Variants in ZCCHC7 observed in about 807,000 individuals in gnomAD.
The protein encoded by ZCCHC7 is zinc finger CCHC domain-containing protein 7.
Under a neutral mutation model 52.0 loss-of-function variants are expected in ZCCHC7, and 35 were observed. The ratio of observed to expected loss-of-function variants is 0.67; its 90% CI spans 0.51 to 0.89. The LOEUF is 0.89. ZCCHC7 is among the 40% of genes least tolerant of loss of function. ZCCHC7 has a pLI of 0.00. For missense variants in ZCCHC7, 574 were observed against 649.1 expected (o/e 0.88, Z 1.26); for synonymous variants, 217 against 221.5 (o/e 0.98, Z 0.18).
intron 2 of ZCCHC7, among the ~76,000 whole-genome samples, chr9:37,130,539 C>T (rs1355233692): frequency 1.3e-5 from 2 of 149,018 alleles, no homozygotes; most frequent in Non-Finnish European, 3.0e-5. Flanking sequence ...GTCGCCCAGG[C>T]TGGAGTGCAA....
intron 6 of ZCCHC7, among the ~76,000 whole-genome samples, chr9:37,329,062 A>G (rs1034108790): frequency 2.0e-5 from 3 of 151,896 alleles, no homozygotes; most frequent in African/African-American, 7.2e-5. Flanking sequence ...ATATAGTGAA[A>G]TCATTACAGC....
intron 2 of ZCCHC7, among the ~76,000 whole-genome samples, chr9:37,220,767 G>A (rs1000323362): frequency 2.6e-5 from 4 of 152,128 alleles, no homozygotes; most frequent in Non-Finnish European, 5.9e-5. Flanking sequence ...ATAATGAAGT[G>A]AGCAAAGGTA....
At chr9:37,243,045 CT>C (rs1825940427) in intron 2 of ZCCHC7, among the ~76,000 whole-genome samples, 1 of 151,634 alleles carries the variant, frequency 6.6e-6, no homozygotes, top group East Asian at 1.9e-4. Flanking sequence ...AAGCATATTT[CT>C]TTCATTTTAG....
At chr9:37,155,842 G>T (rs1820786374) in intron 2 of ZCCHC7, among the ~76,000 whole-genome samples, 1 of 152,192 alleles carries the variant, frequency 6.6e-6, no homozygotes. Context: ...GGCCCTCTCT[G>T]TTGTGCATTG....
chr9:37,169,353 G>A (rs1279442642), intron 2 of ZCCHC7, among the ~76,000 whole-genome samples: 2 of 152,196 alleles, frequency 1.3e-5, no homozygotes, highest in African/African-American at 4.8e-5. Context: ...CCACAAATAT[G>A]TTGTTAATAG....
intron 2 of ZCCHC7, among the ~76,000 whole-genome samples, chr9:37,286,454 T>C (rs931448310): frequency 4.6e-5 from 7 of 152,162 alleles, no homozygotes; most frequent in South Asian, 4.2e-4. Flanking sequence ...AATCAGGAGC[T>C]TGAGACCAGC....
chr9:37,158,389 CTTGATGAG>C (rs1265362584), intron 2 of ZCCHC7, among the ~76,000 whole-genome samples: 4 of 152,072 alleles, frequency 2.6e-5, no homozygotes, highest in Non-Finnish European at 4.4e-5. Context: ...GGCAGACATA[CTTGATGAG>C]TGAAGCAAAA....
chr9:37,315,056 A>G (rs1234171703), intron 5 of ZCCHC7, among the ~76,000 whole-genome samples: 3 of 152,024 alleles, frequency 2.0e-5, no homozygotes, highest in Non-Finnish European at 4.4e-5. Context: ...CATGCCATCT[A>G]AAAGGTACAC....
chr9:37,178,908 T>A (rs940510246), intron 2 of ZCCHC7, among the ~76,000 whole-genome samples: 1 of 152,234 alleles, frequency 6.6e-6, no homozygotes, highest in African/African-American at 2.4e-5. Flanking sequence ...ATCTGTATGA[T>A]GACTGATATT....
intron 2 of ZCCHC7, among the ~76,000 whole-genome samples, chr9:37,209,208 CTT>C (rs1285932465): frequency 1.3e-5 from 2 of 151,726 alleles, no homozygotes; most frequent in East Asian, 1.9e-4. Context: ...GCCTGGCTAA[CTT>C]TTTGTATTTT....
At chr9:37,130,795 C>T (rs1842750145) in intron 2 of ZCCHC7, among the ~76,000 whole-genome samples, 1 of 151,778 alleles carries the variant, frequency 6.6e-6, no homozygotes, top group Non-Finnish European at 1.5e-5. Context: ...TGCGTCTGGC[C>T]AGAAATCTCT....
intron 2 of ZCCHC7, among the ~76,000 whole-genome samples, chr9:37,129,871 C>G (rs1164727652): frequency 6.6e-6 from 1 of 152,160 alleles, no homozygotes; most frequent in African/African-American, 2.4e-5. Flanking sequence ...AATCATCAAA[C>G]ATTTATTGAG....
chr9:37,350,698 A>G (rs930856364), intron 7 of ZCCHC7, among the ~76,000 whole-genome samples: 1 of 152,262 alleles, frequency 6.6e-6, no homozygotes. Flanking sequence ...GCATGAGGCC[A>G]CTAGGCAGAT....
chr9:37,357,836 T>C lies in ZCCHC7; in HGVS notation c.*568T>C, dbSNP rs2118740568. On this transcript the variant is annotated 3_prime_UTR_variant, in exon 9 of 9. Coordinates refer to ENST00000336755, the MANE Select transcript of ZCCHC7 (RefSeq NM_032226.3). ...ATTGAAGCCCTGAAGAGGCAGGGAA[T>C]TGAGCTTCAGCAAAATACAGGAAAA... The C allele has an allele frequency of 6.6e-6, 1 of 152,292 alleles. No homozygotes were observed. The highest frequency in any genetic ancestry group is 2.4e-5 in the African/African-American group (1 of 41,554). 9.4% of individuals were successfully genotyped at this position (152,292 alleles called of 1,614,324 possible). A position where few individuals can be genotyped will look rare whatever the true frequency, so the allele number is the denominator to read the frequency against.
At position 37,330,980 on chromosome 9, in the gene ZCCHC7, A is replaced by G. The variant is rs535344400; in HGVS notation, c.987+3146A>G. Among the ~76,000 whole-genome samples, 6 of 151,790 alleles carry G rather than the reference A, an allele frequency of 4.0e-5. No individual in the cohort carries two copies. The East Asian group carries it at 7.7e-4, about 20-fold the overall frequency. On this transcript the variant is annotated intron_variant, in intron 6 of 8. Transcript: ENST00000336755. ...TTTAAAAAGTAACCAGGAGTTTGCT[A>G]TTTGAGGGCTGTATGTGTTAAGAAT...
intron 5 of ZCCHC7, chr9:37,326,119 A>G (rs576801433): frequency 1.2e-4 from 18 of 152,272 alleles, no homozygotes; most frequent in Non-Finnish European, 2.5e-4. Context: ...ACAATAATCC[A>G]ACTCAAATTA....
chr9:37,287,887 T>C (rs970235254), intron 2 of ZCCHC7, among the ~76,000 whole-genome samples: 1 of 151,960 alleles, frequency 6.6e-6, no homozygotes, highest in Admixed American at 6.6e-5. Context: ...TATCAGGACA[T>C]ATTATATGTA....
chr9:37,166,893 A>G (rs1385144155), intron 2 of ZCCHC7, among the ~76,000 whole-genome samples: 2 of 152,192 alleles, frequency 1.3e-5, no homozygotes, highest in Non-Finnish European at 2.9e-5. Flanking sequence ...AATTTAATGT[A>G]TTGTGTTCAA....
intron 2 of ZCCHC7, among the ~76,000 whole-genome samples, chr9:37,186,250 G>T (rs1217967363): frequency 6.6e-6 from 1 of 152,018 alleles, no homozygotes; most frequent in Non-Finnish European, 1.5e-5. Context: ...ACCATTTGTG[G>T]ATAGCATGTA....
Sources: allele counts gnomAD v4.1 joint callset (sites outside exome capture counted in the v4.1 genomes callset), GRCh38; gene constraint gnomAD v4.1.1; transcripts MANE v1.5; gene names NCBI Gene and HGNC (gene_info 2026-07-23, HGNC 2026-07-21).